The following INF2 variants were observed in gnomAD, a reference collection of about 807,000 sequenced individuals.
The protein encoded by INF2 is inverted formin-2.
In INF2, 43 loss-of-function variants were observed where a neutral mutation model predicts 123.5. That is an observed-to-expected ratio of 0.35 (90% CI 0.27 to 0.45). The LOEUF (loss-of-function observed/expected upper bound fraction) is 0.45, where lower values mean the gene tolerates loss of function less well. Ranked by LOEUF, INF2 falls within the 20% of genes least tolerant of loss-of-function variation. The pLI is 1.00. For synonymous variants in INF2, 851 were observed against 745.0 expected, an observed-to-expected ratio of 1.14 and a Z score of -2.32; for missense variants, 1,453 against 1,682.7, an observed-to-expected ratio of 0.86 and a Z score of 2.39.
chr14:104,681,793 C>T (rs1465167972), intron 1 of INF2, among the ~76,000 whole-genome samples: 3 of 152,224 alleles, frequency 2.0e-5, no homozygotes. Context: ...GGGGCTGGAG[C>T]CCATGACATC....
chr14:104,700,697 C>T (rs1238951595), intron 1 of INF2, among the ~76,000 whole-genome samples: 1 of 152,084 alleles, frequency 6.6e-6, no homozygotes, highest in Non-Finnish European at 1.5e-5. Flanking sequence ...AGACCTGTTG[C>T]GACTGAATCC....
Position 104,711,159 on chromosome 14 carries a change from C to T in INF2, c.2391C>T (p.Arg797=), listed in dbSNP as rs764087314. Residue 797 remains arginine, a synonymous_variant, in exon 15 of 23, where the codon CGC becomes CGT. Transcript: ENST00000392634. ...KLTETKSQQN[R]VTLLHHVLEE... ...CGGAGACCAAGTCCCAGCAGAACCG[C>T]GTGACGCTGCTGCACCACGTGCTGG... 5.1e-6 allele frequency: 8 copies of T among 1,567,588 alleles called. No homozygotes were observed. The highest frequency in any genetic ancestry group is 4.8e-5 in the East Asian group (2 of 41,540).
Position 104,710,977 on chromosome 14 carries a change from G to A in INF2, c.2280G>A (p.Leu760=). ...TSRQLPIFCQ[L]ILRIGNFLNY... ...GCCAGCTGCCCATCTTCTGCCAGCT[G>A]ATCCTGAGAATTGGGAACTTCCTCA... Residue 760 remains leucine (L), a synonymous_variant, in exon 14 of 23, where the codon CTG becomes CTA. Coordinates refer to ENST00000392634, the MANE Select transcript of INF2 (RefSeq NM_022489.4). 1 of 1,611,870 alleles carries A rather than the reference G, an allele frequency of 6.2e-7. No homozygotes were observed. Among genetic ancestry groups the A allele is most frequent in the Non-Finnish European group, 8.5e-7 (1 of 1,179,716 alleles).
chr14:104,714,403 G>C lies in INF2; in HGVS notation c.3241G>C (p.Asp1081His), dbSNP rs571986941. The change falls in exon 21 of 23, where the codon GAT (aspartate) becomes CAT (histidine). Residue 1081 changes from aspartate to histidine, a missense_variant. Coordinates refer to ENST00000392634, the MANE Select transcript of INF2 (RefSeq NM_022489.4). Reference sequence around the variant, plus strand: ...GGAGAGGCGTTCTTCCTGGTATGTGGATGCCAGCGATGTCCTAACCACTGA... The same window carrying C: ...GGAGAGGCGTTCTTCCTGGTATGTGCATGCCAGCGATGTCCTAACCACTGA... ...PLERRSSWYV[D>H]ASDVLTTEDP... 5.6e-6 allele frequency: 9 copies of C among 1,604,074 alleles called. No homozygotes were observed. Among genetic ancestry groups the C allele is most frequent in the Non-Finnish European group, 6.0e-6 (7 of 1,175,584 alleles).
chr14:104,710,551 A>G (rs1890002500), intron 13 of INF2, among the ~76,000 whole-genome samples: 1 of 151,884 alleles, frequency 6.6e-6, no homozygotes, highest in South Asian at 2.1e-4. Context: ...AGTCACACAC[A>G]TGCACACAGG....
chr14:104,687,637 C>T (rs2098436391), upstream of INF2, among the ~76,000 whole-genome samples: 1 of 152,174 alleles, frequency 6.6e-6, no homozygotes, highest in South Asian at 2.1e-4. The surrounding 1 kb of genome is among the most constrained non-coding windows in gnomAD (Gnocchi z 5.6). Context: ...CTCTCTGGAC[C>T]AGGTGTGCAG....
intron 13 of INF2, among the ~76,000 whole-genome samples, chr14:104,710,397 A>C (rs1215840926): frequency 6.6e-6 from 1 of 151,448 alleles, no homozygotes; most frequent in African/African-American, 2.4e-5. Context: ...ACGCATGCCC[A>C]CCGCCACTCG....
At chr14:104,683,655 C>T (rs1888588061) in intron 1 of INF2, among the ~76,000 whole-genome samples, 1 of 148,378 alleles carries the variant, frequency 6.7e-6, no homozygotes, top group African/African-American at 2.5e-5. Flanking sequence ...CAAATTACCT[C>T]CGGAGACTTT....
In INF2 at chr14:104,708,655, G is replaced by A. The variant is rs978498840; in HGVS notation, c.1888-16G>A. ...CCACCCTCCGGTACCAGCCTGTTGG[G>A]TGGGGGGTTTTCTAGATCACTTTCC... On this transcript the variant is annotated splice_polypyrimidine_tract_variant and intron_variant, in intron 9 of 22. Transcript: ENST00000392634. 6.2e-7 allele frequency: 1 copy of A among 1,612,816 alleles called. No individual in the cohort carries two copies. The highest frequency in any genetic ancestry group is 8.5e-7 in the Non-Finnish European group (1 of 1,179,872).
Position 104,719,998 on chromosome 14 carries a change from T to C in INF2, c.*1205T>C, listed in dbSNP as rs1890489089. 6.6e-6 allele frequency: 1 copy of C among 152,556 alleles called. No individual in the cohort carries two copies. Among genetic ancestry groups the C allele is most frequent in the Admixed American group, 6.5e-5 (1 of 15,292 alleles). The allele number at this position is 152,556 out of a possible 1,614,324, so 9.5% of individuals were successfully genotyped here. A position where few individuals can be genotyped will look rare whatever the true frequency, so the allele number is the denominator to read the frequency against. ...GTGTTTGCTCTCCAGCAGATCAAGT[T>C]TGTGCAATGATCCATTTTGAGAATC... On this transcript the variant is annotated 3_prime_UTR_variant, in exon 23 of 23. Transcript: ENST00000392634.
At chr14:104,702,563 G>A (rs1011004808) in intron 2 of INF2, among the ~76,000 whole-genome samples, 2 of 152,214 alleles carry the variant, frequency 1.3e-5, no homozygotes, top group African/African-American at 2.4e-5. Context: ...CCATGGGGGC[G>A]GCAGTTACCT....
intron 22 of INF2, chr14:104,716,108 A>T: frequency 2.7e-6 from 1 of 370,612 alleles, no homozygotes; most frequent in South Asian, 2.0e-5. Flanking sequence ...GAGAACCAGA[A>T]GGTCCAGCCC....
intron 13 of INF2, 57 bp from the exon 14 acceptor site, chr14:104,710,880 A>G: frequency 6.6e-7 from 1 of 1,507,188 alleles, no homozygotes; most frequent in South Asian, 1.2e-5. Context: ...CCCCACCGCC[A>G]GGGCATCTGG....
intron 2 of INF2, 127 bp from the exon 3 acceptor site, chr14:104,702,978 A>G (rs1330379478): frequency 1.3e-6 from 1 of 764,582 alleles, no homozygotes; most frequent in Admixed American, 2.0e-5. Flanking sequence ...GCTGTGGGCC[A>G]CAGACAAGTG....
intron 22 of INF2, chr14:104,715,937 T>C (rs1363818509): frequency 1.8e-5 from 8 of 455,960 alleles, no homozygotes; most frequent in Admixed American, 7.1e-5. Flanking sequence ...CCCGAGGCCA[T>C]GGGTGGGTCT....
intron 1 of INF2, among the ~76,000 whole-genome samples, chr14:104,691,829 A>G (rs1010318019): frequency 6.6e-6 from 1 of 151,990 alleles, no homozygotes; most frequent in Non-Finnish European, 1.5e-5. Flanking sequence ...TAGGAGGGAG[A>G]GTCCTGCCTG....
At chr14:104,715,606 G>A (rs1196331291) in intron 22 of INF2, 7 of 599,530 alleles carry the variant, frequency 1.2e-5, no homozygotes, top group Non-Finnish European at 2.1e-5. Flanking sequence ...GCCTCGAGAG[G>A]GCAGGTGGCA....
intron 17 of INF2, 126 bp downstream of exon 17, chr14:104,712,679 T>G (rs1318289689): frequency 5.3e-6 from 8 of 1,509,156 alleles, no homozygotes; most frequent in Middle Eastern, 1.8e-4. Context: ...CAGGTGTGCA[T>G]GGTCAGGGCA....
At chr14:104,705,054 TCA>T (rs1416315362) in intron 5 of INF2, among the ~76,000 whole-genome samples, 1 of 152,220 alleles carries the variant, frequency 6.6e-6, no homozygotes, top group Non-Finnish European at 1.5e-5. Context: ...AGGACTGTAC[TCA>T]GGGGGGTGTC....
Sources: gnomAD v4.1 joint callset for allele counts (sites outside exome capture counted in the v4.1 genomes callset) on GRCh38, gnomAD v4.1.1 for gene constraint, Gnocchi (gnomAD v3.1) non-coding constraint, MANE v1.5 for transcripts, NCBI Gene and HGNC (gene_info 2026-07-23, HGNC 2026-07-21) for gene names.